The following MRC2 variants were observed in gnomAD, a reference collection of about 807,000 sequenced individuals.
The protein encoded by MRC2 is mannose receptor C-type 2.
In MRC2, 84 loss-of-function variants were observed where a neutral mutation model predicts 206.2. The observed-to-expected ratio is 0.41, with a 90% CI of 0.34 to 0.49. The LOEUF (loss-of-function observed/expected upper bound fraction) is 0.49. Ranked by LOEUF, MRC2 falls within the 20% of genes least tolerant of loss-of-function variation. MRC2 has a pLI of 0.31. For missense variants in MRC2, 1,676 were observed against 2,001.5 expected (o/e 0.84, Z 3.10); for synonymous variants, 798 against 800.0 (o/e 1.00, Z 0.04).
intron 1 of MRC2, among the ~76,000 whole-genome samples, chr17:62,628,955 C>A (rs552946989): frequency 6.6e-6 from 1 of 152,278 alleles, no homozygotes; most frequent in Admixed American, 6.5e-5. Context: ...CCTGGAGAGT[C>A]TGGGGCCTCC....
rs1430286833 is a variant in MRC2, at chr17:62,652,385, C to T, written c.119-12163C>T. Among the ~76,000 whole-genome samples, 2 of 152,244 alleles carry T rather than the reference C, an allele frequency of 1.3e-5. No homozygotes were observed. The highest frequency in any genetic ancestry group is 2.4e-5 in the African/African-American group (1 of 41,468). ...TGGCCGCTGTCGGCGATGGGGTCCC[C>T]GCGAGGGCACAAGTGATCGCGTGGC... is the stretch of plus-strand genomic sequence containing the variant. On this transcript the variant is annotated intron_variant, in intron 1 of 29. Transcript: ENST00000303375. The surrounding 1 kb of genome is among the most constrained non-coding windows in gnomAD (Gnocchi z 4.6).
chr17:62,652,032 A>C lies in MRC2; in HGVS notation c.119-12516A>C, dbSNP rs2088561912. Among the ~76,000 whole-genome samples, 1 of 152,212 alleles carries C rather than the reference A, an allele frequency of 6.6e-6. No homozygotes were observed. The highest frequency in any genetic ancestry group is 2.4e-5 in the African/African-American group (1 of 41,456). ...CACTATGGAAAATTGTAAATTACAG[A>C]AAGGCCCAAAGATTTTCTTCATTTC... On this transcript the variant is annotated intron_variant, in intron 1 of 29. Transcript: ENST00000303375. The surrounding 1 kb of genome is among the most constrained non-coding windows in gnomAD (Gnocchi z 4.6).
In MRC2 at chr17:62,666,710, A is replaced by C; in HGVS notation, c.860-47A>C. 9.9e-7 allele frequency: 1 copy of C among 1,014,070 alleles called. No individual in the cohort carries two copies. The highest frequency in any genetic ancestry group is 1.4e-6 in the Non-Finnish European group (1 of 698,750). 62.8% of individuals were successfully genotyped at this position (1,014,070 alleles called of 1,614,324 possible). A position where few individuals can be genotyped will look rare whatever the true frequency, so the allele number is the denominator to read the frequency against. ...GGGAGAGGGCGATGGGGAGCGGGGG[A>C]GGCTGGGGCTGGGGATCCCCTGTTC... is the stretch of plus-strand genomic sequence containing the variant. On this transcript the variant is annotated intron_variant, in intron 4 of 29. Coordinates refer to ENST00000303375, the MANE Select transcript of MRC2 (RefSeq NM_006039.5). The surrounding 1 kb of genome is among the most constrained non-coding windows in gnomAD (Gnocchi z 5.0).
chr17:62,677,559 C>A, intron 12 of MRC2, 73 bp downstream of exon 12: 1 of 1,330,528 alleles, frequency 7.5e-7, no homozygotes. Flanking sequence ...ATGGAGGTCC[C>A]AGTGGGACCA....
intron 1 of MRC2, among the ~76,000 whole-genome samples, chr17:62,657,603 C>T (rs975782410): frequency 4.0e-5 from 6 of 150,220 alleles, no homozygotes; most frequent in African/African-American, 1.5e-4. Flanking sequence ...CCTGCACTGA[C>T]ACCTGATGCT....
chr17:62,641,919 G>GT, intron 1 of MRC2, among the ~76,000 whole-genome samples: 1 of 149,702 alleles, frequency 6.7e-6, no homozygotes, highest in Non-Finnish European at 1.5e-5. Flanking sequence ...GTGTGTGTGT[G>GT]GTGGGTCTGT....
In MRC2 at chr17:62,677,029, G is replaced by A. The variant is rs113709220; in HGVS notation, c.1835-240G>A. Among the ~76,000 whole-genome samples, 139 of 152,358 alleles carry A rather than the reference G, an allele frequency of 9.1e-4. 1 individual carries two copies. Among genetic ancestry groups the A allele is most frequent in the African/African-American group, 3.1e-3 (129 of 41,594 alleles). The stretch of plus-strand genomic sequence containing the variant: ...TCAATAACCTGATGAGGTAGATGAT[G>A]AAGCAGGCTCGGTGAGGTTAAGCAG... On this transcript the variant is annotated intron_variant, in intron 11 of 29. Transcript: ENST00000303375.
intron 1 of MRC2, among the ~76,000 whole-genome samples, chr17:62,651,272 C>T (rs1385349895): frequency 2.6e-5 from 4 of 152,086 alleles, no homozygotes; most frequent in Admixed American, 1.3e-4. Flanking sequence ...TTAGTAGAGA[C>T]AGGGTTTCAC....
In MRC2 at chr17:62,671,277, C is replaced by T. The variant is rs1303534045; in HGVS notation, c.1118-372C>T. Among the ~76,000 whole-genome samples, 2 of 151,980 alleles carry T rather than the reference C, an allele frequency of 1.3e-5. No individual in the cohort carries two copies. The highest frequency in any genetic ancestry group is 2.9e-5 in the Non-Finnish European group (2 of 67,990). On this transcript the variant is annotated intron_variant, in intron 6 of 29. Coordinates refer to ENST00000303375, the MANE Select transcript of MRC2 (RefSeq NM_006039.5). The surrounding 1 kb of genome is among the most constrained non-coding windows in gnomAD (Gnocchi z 4.5). ...TAGAGATGGGGTCTCCCCTTTGTTG[C>T]CCAGTCTGTTCTTGAACTACTGGGC...
rs561278822 is a variant in MRC2, at chr17:62,676,602, C to T, written c.1834+71C>T. The T allele has an allele frequency of 1.3e-4, 194 of 1,515,652 alleles. 1 individual carries two copies. The South Asian group carries it at 2.3e-3, about 18-fold the overall frequency. The allele number at this position is 1,515,652 out of a possible 1,614,324, so 93.9% of individuals were successfully genotyped here. A position where few individuals can be genotyped will look rare whatever the true frequency, so the allele number is the denominator to read the frequency against. On this transcript the variant is annotated intron_variant, in intron 11 of 29. Transcript: ENST00000303375. ...CAGGGTGGACTGGCCCTGCCAGCAC[C>T]GAGCCCCAGGGCTTCCCCATAAACA... is the stretch of plus-strand genomic sequence containing the variant.
At chr17:62,686,298 C>G (rs531175819) in intron 20 of MRC2, among the ~76,000 whole-genome samples, 1 of 152,134 alleles carries the variant, frequency 6.6e-6, no homozygotes, top group East Asian at 1.9e-4. Flanking sequence ...ACTAAAAATA[C>G]AAAAATTAGC....
At chr17:62,651,464 A>C (rs990330580) in intron 1 of MRC2, among the ~76,000 whole-genome samples, 2 of 152,232 alleles carry the variant, frequency 1.3e-5, no homozygotes, top group African/African-American at 2.4e-5. Flanking sequence ...CTGGGTCCTC[A>C]GTGGGCACTT....
chr17:62,673,711 T>C (rs796687253), intron 8 of MRC2, among the ~76,000 whole-genome samples: 9 of 152,290 alleles, frequency 5.9e-5, no homozygotes, highest in African/African-American at 1.9e-4. Flanking sequence ...GGTTTCACCA[T>C]GTTGGCCAGG....
intron 6 of MRC2, among the ~76,000 whole-genome samples, chr17:62,668,121 C>T (rs970977324): frequency 1.9e-4 from 29 of 152,214 alleles, no homozygotes; most frequent in African/African-American, 7.0e-4. Context: ...CTTTGGGAGG[C>T]CAAGGCAGGA....
At chr17:62,683,214 A>T (rs2088991496) in intron 20 of MRC2, among the ~76,000 whole-genome samples, 1 of 152,136 alleles carries the variant, frequency 6.6e-6, no homozygotes, top group Non-Finnish European at 1.5e-5. Flanking sequence ...CATGCCTGTA[A>T]TCCCAGCCCT....
At chr17:62,665,401 T>TCCC (rs11297640) in intron 2 of MRC2, among the ~76,000 whole-genome samples, 1 of 130,596 alleles carries the variant, frequency 7.7e-6, no homozygotes, top group African/African-American at 3.2e-5. Flanking sequence ...CAAGACTCTG[T>TCCC]CCCCCCCCCC....
At position 62,651,865 on chromosome 17, in the gene MRC2, C is replaced by T. The variant is rs528020014; in HGVS notation, c.119-12683C>T. Among the ~76,000 whole-genome samples, 26 of 152,366 alleles carry T rather than the reference C, an allele frequency of 1.7e-4. No individual in the cohort carries two copies. In the South Asian group the frequency reaches 5.2e-3, roughly 30 times the overall value. On this transcript the variant is annotated intron_variant, in intron 1 of 29. Coordinates refer to ENST00000303375, the MANE Select transcript of MRC2 (RefSeq NM_006039.5). ...GGAATTAAAGGCGTGAGCCACCGCG[C>T]CCTGCCTGACTGTTAATATTTTAAA...
intron 1 of MRC2, among the ~76,000 whole-genome samples, chr17:62,645,894 T>G (rs1230250705): frequency 1.3e-5 from 2 of 152,024 alleles, no homozygotes; most frequent in Non-Finnish European, 2.9e-5. Flanking sequence ...AATGTTCTTC[T>G]TTCATTCAGG....
chr17:62,692,792 G>A lies in MRC2; in HGVS notation c.*341G>A, dbSNP rs1015726626. 2.4e-5 allele frequency: 7 copies of A among 287,724 alleles called. No individual in the cohort carries two copies. Among genetic ancestry groups the A allele is most frequent in the African/African-American group, 6.4e-5 (3 of 46,708 alleles). The allele number at this position is 287,724 out of a possible 1,614,324, so 17.8% of individuals were successfully genotyped here. On this transcript the variant is annotated 3_prime_UTR_variant, in exon 30 of 30. Coordinates refer to ENST00000303375, the MANE Select transcript of MRC2 (RefSeq NM_006039.5). The surrounding 1 kb of genome is among the most constrained non-coding windows in gnomAD (Gnocchi z 4.2). ...GCCCCCGGCCCAGGCCTGTTGATCC[G>A]CGCCCCAGGACCCCCTTCTTTGCAG...
Sources: gnomAD v4.1 joint callset for allele counts (sites outside exome capture counted in the v4.1 genomes callset) on GRCh38, gnomAD v4.1.1 for gene constraint, Gnocchi (gnomAD v3.1) non-coding constraint, MANE v1.5 for transcripts, NCBI Gene and HGNC (gene_info 2026-07-23, HGNC 2026-07-21) for gene names.